The following ADARB1 variants were observed in gnomAD, a reference collection of about 807,000 sequenced individuals.
The protein encoded by ADARB1 is adenosine deaminase RNA specific B1.
Under a neutral mutation model 52.4 loss-of-function variants are expected in ADARB1, and 10 were observed. That is an observed-to-expected ratio of 0.19 (90% CI 0.12 to 0.32). The LOEUF (loss-of-function observed/expected upper bound fraction) is 0.32, where lower values mean the gene tolerates loss of function less well. ADARB1 is among the 10% of genes least tolerant of loss of function. The pLI, the probability that ADARB1 is intolerant of heterozygous loss-of-function variation, is 1.00. For synonymous variants in ADARB1, 349 were observed against 371.1 expected (o/e 0.94, Z 0.68); for missense variants, 643 against 922.3 (o/e 0.70, Z 3.92).
intron 2 of ADARB1, among the ~76,000 whole-genome samples, chr21:45,168,113 C>T (rs959209236): frequency 6.6e-6 from 1 of 152,138 alleles, no homozygotes; most frequent in African/African-American, 2.4e-5. Context: ...TGATCCTGAG[C>T]ATCTTTTCAT....
intron 9 of ADARB1, among the ~76,000 whole-genome samples, chr21:45,209,885 C>T (rs1268610486): frequency 6.6e-6 from 1 of 152,224 alleles, no homozygotes; most frequent in African/African-American, 2.4e-5. Context: ...GAAAATGCTG[C>T]TGAGCAGAAC....
intron 1 of ADARB1, among the ~76,000 whole-genome samples, chr21:45,115,597 T>C (rs2087784042): frequency 1.3e-5 from 2 of 152,260 alleles, no homozygotes; most frequent in South Asian, 2.1e-4. Context: ...TTCCCCTTTT[T>C]CTGCATCCTT....
intron 1 of ADARB1, among the ~76,000 whole-genome samples, chr21:45,101,421 C>T (rs1246176440): frequency 6.6e-6 from 1 of 152,254 alleles, no homozygotes; most frequent in African/African-American, 2.4e-5. Context: ...CCTAGGCTCC[C>T]TTCTTTCGCG....
chr21:45,118,020 C>T (rs2087926700), intron 1 of ADARB1, among the ~76,000 whole-genome samples: 2 of 152,206 alleles, frequency 1.3e-5, no homozygotes, highest in Admixed American at 1.3e-4. Context: ...TAGTGTTTCC[C>T]ATCTATCATT....
chr21:45,176,262 G>A lies in ADARB1; in HGVS notation c.561G>A (p.Glu187=). 6.2e-7 allele frequency: 1 copy of A among 1,614,170 alleles called. No homozygotes were observed. The highest frequency in any genetic ancestry group is 8.5e-7 in the Non-Finnish European group (1 of 1,180,028). The change falls in exon 4 of 11, where the codon GAG becomes GAA. Residue 187 remains glutamate (E), a synonymous_variant. Transcript: ENST00000348831. The surrounding 1 kb of genome is among the most constrained non-coding windows in gnomAD (Gnocchi z 5.8). The part of the protein sequence containing the change: ...FNGFETPDKA[E]PPFYVGSNGD... ...GTTTTGAAACTCCTGACAAGGCGGA[G>A]CCTCCCTTTTACGTGGGCTCCAATG...
At chr21:45,179,034 T>A (rs963791646) in intron 4 of ADARB1, among the ~76,000 whole-genome samples, 3 of 152,236 alleles carry the variant, frequency 2.0e-5, no homozygotes, top group African/African-American at 7.2e-5. Flanking sequence ...ATCCCTAATC[T>A]TCTTATGACT....
chr21:45,161,634 C>T (rs1262666089), intron 2 of ADARB1, among the ~76,000 whole-genome samples: 4 of 152,162 alleles, frequency 2.6e-5, no homozygotes, highest in Admixed American at 1.3e-4. Flanking sequence ...CTGTGGATGG[C>T]AGGATAATGG....
At chr21:45,193,615 A>G (rs2092355225) in intron 8 of ADARB1, among the ~76,000 whole-genome samples, 2 of 152,386 alleles carry the variant, frequency 1.3e-5, no homozygotes, top group South Asian at 4.1e-4. Flanking sequence ...TTGCAGACAT[A>G]CTTATCTATG....
chr21:45,091,383 G>A (rs1445707851), intron 1 of ADARB1, among the ~76,000 whole-genome samples: 1 of 152,194 alleles, frequency 6.6e-6, no homozygotes, highest in Non-Finnish European at 1.5e-5. Flanking sequence ...ACTTGAATCT[G>A]ATGATTTTTA....
intron 1 of ADARB1, among the ~76,000 whole-genome samples, chr21:45,111,421 C>T (rs1180542028): frequency 1.3e-5 from 2 of 152,178 alleles, no homozygotes; most frequent in Non-Finnish European, 2.9e-5. Context: ...ACATCCGTAT[C>T]CGGAGCCGTG....
chr21:45,158,136 G>A (rs2090761533), intron 2 of ADARB1, among the ~76,000 whole-genome samples: 1 of 152,196 alleles, frequency 6.6e-6, no homozygotes, highest in Admixed American at 6.5e-5. Context: ...AATTATGCAG[G>A]AGAGGAGGCG....
At chr21:45,126,904 G>T (rs1273976063) in intron 1 of ADARB1, among the ~76,000 whole-genome samples, 1 of 152,234 alleles carries the variant, frequency 6.6e-6, no homozygotes, top group Non-Finnish European at 1.5e-5. Flanking sequence ...TCTTGGCCAG[G>T]CTTGCAGAGT....
intron 6 of ADARB1, 25 bp downstream of exon 6, chr21:45,182,778 C>G (rs1452672843): frequency 6.5e-7 from 1 of 1,533,872 alleles, no homozygotes; most frequent in Non-Finnish European, 8.8e-7. Flanking sequence ...CAAATAAGGA[C>G]AGGAAGCTCT....
chr21:45,085,622 G>C (rs1278769766), intron 1 of ADARB1, among the ~76,000 whole-genome samples: 1 of 152,116 alleles, frequency 6.6e-6, no homozygotes, highest in Non-Finnish European at 1.5e-5. Flanking sequence ...AGCAGAGCAG[G>C]GTTAAAAGTG....
chr21:45,176,465 G>A lies in ADARB1; in HGVS notation c.764G>A (p.Ser255Asn), dbSNP rs760886166. ...PGLKYDFLSESGESHAKSFVM... is the reference protein window; with the variant it reads ...PGLKYDFLSENGESHAKSFVM... ...CTCAAGTATGACTTCCTCTCCGAGA[G>A]CGGGGAGAGCCATGCCAAGAGCTTC... The change falls in exon 4 of 11, where the codon AGC becomes AAC. Residue 255 changes from serine to asparagine, a missense_variant. By Grantham distance (46) the Ser-to-Asn change is conservative (BLOSUM62 1). Transcript: ENST00000348831. The surrounding 1 kb of genome is among the most constrained non-coding windows in gnomAD (Gnocchi z 5.8). 3.5e-5 allele frequency: 57 copies of A among 1,614,080 alleles called. No individual in the cohort carries two copies. Among genetic ancestry groups the A allele is most frequent in the Non-Finnish European group, 4.7e-5 (56 of 1,180,040 alleles).
rs1270123456 is a variant in ADARB1, at chr21:45,157,166, G to A, written c.-47-14444G>A. On this transcript the variant is annotated intron_variant, in intron 2 of 10. Coordinates refer to ENST00000348831, the MANE Select transcript of ADARB1 (RefSeq NM_001112.4). This position sits in a 1 kb window ranked among gnomAD's most constrained non-coding sequence, Gnocchi z 4.1. ...GGGCAGGAGCTCCTCTCAGCTACAGGGTGCATTTCAAGCACAGGTGCATAC... is the reference window on the plus strand; with the variant it reads ...GGGCAGGAGCTCCTCTCAGCTACAGAGTGCATTTCAAGCACAGGTGCATAC... Among the ~76,000 whole-genome samples the A allele has an allele frequency of 6.6e-6, 1 of 152,176 alleles. No homozygotes were observed.
chr21:45,219,690 G>A (rs2092928468), intron 9 of ADARB1, among the ~76,000 whole-genome samples: 1 of 152,288 alleles, frequency 6.6e-6, no homozygotes, highest in South Asian at 2.1e-4. Flanking sequence ...ACCACCATAA[G>A]GTGGATGGCT....
At chr21:45,156,411 CCAT>C (rs201007573) in intron 2 of ADARB1, among the ~76,000 whole-genome samples, 2 of 150,644 alleles carry the variant, frequency 1.3e-5, no homozygotes, top group South Asian at 4.2e-4. Flanking sequence ...ATCCACCCAC[CCAT>C]CATCACCCAT....
chr21:45,111,520 C>CT (rs2087534282), intron 1 of ADARB1, among the ~76,000 whole-genome samples: 2 of 152,186 alleles, frequency 1.3e-5, no homozygotes, highest in Admixed American at 1.3e-4. Context: ...GTTGGACGTT[C>CT]TATGGGTTTG....
Sources: allele counts gnomAD v4.1 joint callset (sites outside exome capture counted in the v4.1 genomes callset), GRCh38; gene constraint gnomAD v4.1.1; non-coding constraint Gnocchi (gnomAD v3.1); transcripts MANE v1.5; gene names NCBI Gene and HGNC (gene_info 2026-07-23, HGNC 2026-07-21).